The following MRTFB variants were observed in gnomAD, a reference collection of about 807,000 sequenced individuals.
MRTFB encodes myocardin-related transcription factor B.
In MRTFB, 29 loss-of-function variants were observed where a neutral mutation model predicts 104.2. The ratio of observed to expected loss-of-function variants is 0.28; its 90% CI spans 0.21 to 0.38. The LOEUF (loss-of-function observed/expected upper bound fraction) is 0.38, where lower values mean the gene tolerates loss of function less well. MRTFB is among the 10% of genes least tolerant of loss of function. The pLI is 1.00. For synonymous variants in MRTFB, 535 were observed against 519.5 expected, an observed-to-expected ratio of 1.03 and a Z score of -0.41; for missense variants, 1,270 against 1,341.6, an observed-to-expected ratio of 0.95 and a Z score of 0.83.
At chr16:14,253,186 A>G (rs1298959249) in intron 15 of MRTFB, among the ~76,000 whole-genome samples, 1 of 152,192 alleles carries the variant, frequency 6.6e-6, no homozygotes, top group Admixed American at 6.5e-5. Flanking sequence ...GTGCCCAGTC[A>G]TGAGAGTACT....
At chr16:14,021,166 G>A in the MRTFB span, 1 of 152,250 alleles carries the variant, frequency 6.6e-6, no homozygotes, top group Non-Finnish European at 1.5e-5. Context: ...TGGATAGCAT[G>A]TGGCTCAGCT....
At chr16:14,003,126 C>G in the MRTFB span, among the ~76,000 whole-genome samples, 1 of 152,096 alleles carries the variant, frequency 6.6e-6, no homozygotes, top group Non-Finnish European at 1.5e-5. Context: ...TTTTTTGTAG[C>G]TTTTCCCACA....
At chr16:14,225,282 A>G (rs914125032) in intron 8 of MRTFB, among the ~76,000 whole-genome samples, 15 of 152,244 alleles carry the variant, frequency 9.9e-5, no homozygotes, top group African/African-American at 3.6e-4. Flanking sequence ...AGGATTTAAA[A>G]TACACATTCA....
intron 3 of MRTFB, among the ~76,000 whole-genome samples, chr16:14,202,371 A>T (rs1416213191): frequency 6.6e-6 from 1 of 152,184 alleles, no homozygotes; most frequent in Non-Finnish European, 1.5e-5. Context: ...GTGCATGTAT[A>T]CTTTATTTTA....
chr16:14,076,744 T>C (rs1286098157), intron 1 of MRTFB, among the ~76,000 whole-genome samples: 1 of 152,230 alleles, frequency 6.6e-6, no homozygotes, highest in African/African-American at 2.4e-5. Context: ...GTGGCACTTA[T>C]TTTGAACTTG....
chr16:14,017,707 A>T, the MRTFB span, among the ~76,000 whole-genome samples: 915 of 18,822 alleles, frequency 0.049, 176 homozygotes, highest in Non-Finnish European at 0.13. Context: ...ATATATATAT[A>T]TATATTTTTT....
At chr16:14,140,512 A>G in intron 2 of MRTFB, 32 bp from the exon 3 acceptor site, 1 of 1,463,782 alleles carries the variant, frequency 6.8e-7, no homozygotes, top group Non-Finnish European at 9.3e-7. Flanking sequence ...ACATAACTGC[A>G]CCATCTCTTT....
chr16:14,027,987 G>A, the MRTFB span, among the ~76,000 whole-genome samples: 1 of 152,256 alleles, frequency 6.6e-6, no homozygotes, highest in Non-Finnish European at 1.5e-5. Context: ...GACCAGCCTG[G>A]CCAATGTGGC....
chr16:14,242,851 A>G (rs183468105), intron 10 of MRTFB, among the ~76,000 whole-genome samples: 16 of 152,332 alleles, frequency 1.1e-4, no homozygotes, highest in Admixed American at 1.0e-3. Context: ...GTAGAGTATT[A>G]TAGAATCTCA....
At chr16:14,120,867 G>T (rs1009905191) in intron 2 of MRTFB, among the ~76,000 whole-genome samples, 8 of 152,148 alleles carry the variant, frequency 5.3e-5, no homozygotes, top group Non-Finnish European at 1.2e-4. Flanking sequence ...CTGTCTGTGG[G>T]ACCATGGGTC....
the MRTFB span, among the ~76,000 whole-genome samples, chr16:14,016,360 G>C: frequency 1.5e-5 from 2 of 130,338 alleles, no homozygotes; most frequent in Admixed American, 1.7e-4. Flanking sequence ...TTTTGCAGTG[G>C]TTTTAAATAT....
rs879501225 is a variant in MRTFB at position 14,118,625 on chromosome 16, A to T, written c.-63-21919A>T. 1.6e-3 allele frequency among the ~76,000 whole-genome samples: 239 copies of T among 151,852 alleles called. 1 individual carries two copies. Among genetic ancestry groups the T allele is most frequent in the Non-Finnish European group, 5.3e-4 (36 of 67,958 alleles). On this transcript the variant is annotated intron_variant, in intron 2 of 16. Transcript: ENST00000571589. ...GAGACCGGTCTGGGCAACATGGCCA[A>T]ACCCCATCTCTACAAAAAATACAAA...
chr16:14,065,357 G>A, the MRTFB span, among the ~76,000 whole-genome samples: 1 of 152,046 alleles, frequency 6.6e-6, no homozygotes, highest in Admixed American at 6.6e-5. Flanking sequence ...GGAGATTTGG[G>A]GCTGAGACTA....
rs1357427992 is a variant in MRTFB, at chr16:14,262,760, C to T, written c.*1316C>T. The stretch of plus-strand genomic sequence containing the variant: ...CCAACTATCACAGGATTATTTCAAG[C>T]TAGTCATTGAGGTATATGACAAAAT... On this transcript the variant is annotated 3_prime_UTR_variant, in exon 17 of 17. Transcript: ENST00000571589. The T allele has an allele frequency of 6.6e-6, 1 of 152,220 alleles. No homozygotes were observed. The highest frequency in any genetic ancestry group is 1.5e-5 in the Non-Finnish European group (1 of 68,038). 9.4% of individuals were successfully genotyped at this position (152,220 alleles called of 1,614,324 possible). A position where few individuals can be genotyped will look rare whatever the true frequency, so the allele number is the denominator to read the frequency against.
At chr16:14,093,213 TAAAG>T (rs2035181635) in intron 2 of MRTFB, among the ~76,000 whole-genome samples, 1 of 151,708 alleles carries the variant, frequency 6.6e-6, no homozygotes, top group African/African-American at 2.4e-5. Flanking sequence ...TGTATTTATA[TAAAG>T]AGTGATATTC....
At chr16:14,066,188 A>G in the MRTFB span, among the ~76,000 whole-genome samples, 1 of 152,032 alleles carries the variant, frequency 6.6e-6, no homozygotes, top group Non-Finnish European at 1.5e-5. Context: ...CTTGGATCAA[A>G]AGACACTTTA....
the MRTFB span, among the ~76,000 whole-genome samples, chr16:14,002,360 G>A: frequency 6.6e-6 from 1 of 151,974 alleles, no homozygotes; most frequent in Non-Finnish European, 1.5e-5. Context: ...TCCAGCCTGG[G>A]TGACAGAGCA....
chr16:14,085,082 C>T (rs1353736089), intron 2 of MRTFB, among the ~76,000 whole-genome samples: 1 of 151,970 alleles, frequency 6.6e-6, no homozygotes, highest in Non-Finnish European at 1.5e-5. Context: ...AGTTGGAGAC[C>T]AGCCTTGACA....
chr16:14,048,011 T>C, the MRTFB span, among the ~76,000 whole-genome samples: 3 of 152,146 alleles, frequency 2.0e-5, no homozygotes, highest in African/African-American at 7.2e-5. Context: ...GCCTGTAAAA[T>C]CAAAAGCAAG....
Sources: gnomAD v4.1 joint callset for allele counts (sites outside exome capture counted in the v4.1 genomes callset) on GRCh38, gnomAD v4.1.1 for gene constraint, MANE v1.5 for transcripts, NCBI Gene and HGNC (gene_info 2026-07-23, HGNC 2026-07-21) for gene names.